Variants in SORL1 observed in about 807,000 individuals in gnomAD.
SORL1 encodes sortilin-related receptor.
A neutral mutation model predicts 273.7 loss-of-function variants in SORL1; 127 were observed. The observed-to-expected ratio is 0.46, with a 90% CI of 0.40 to 0.54. The LOEUF (loss-of-function observed/expected upper bound fraction) is 0.54. SORL1 is among the 20% of genes least tolerant of loss of function. SORL1 has a pLI of 0.00. For missense variants in SORL1, 2,494 were observed against 2,846.1 expected (o/e 0.88, Z 2.81); for synonymous variants, 1,031 against 1,067.4 (o/e 0.97, Z 0.66).
chr11:121,497,415 C>T (rs1375104504), intron 6 of SORL1, among the ~76,000 whole-genome samples: 4 of 152,236 alleles, frequency 2.6e-5, no homozygotes, highest in Admixed American at 2.6e-4. Flanking sequence ...TTTAATCCCA[C>T]TGCCTGATTT....
At chr11:121,612,148 GAA>G (rs1863574041) in intron 39 of SORL1, 1 of 148,718 alleles carries the variant, frequency 6.7e-6, no homozygotes, top group Non-Finnish European at 1.5e-5. Flanking sequence ...TCAAAAAAAA[GAA>G]AAAAAGAAAA....
rs1162991693 is a variant in SORL1 at position 121,468,718 on chromosome 11, A to G, written c.286-1289A>G. ...TTACAGTCGTGGGCCACCGAGCCTG[A>G]CCAGCTCTCAGAATTTTTGTTATTC... On this transcript the variant is annotated intron_variant, in intron 1 of 47. Coordinates refer to ENST00000260197, the MANE Select transcript of SORL1 (RefSeq NM_003105.6). Among the ~76,000 whole-genome samples, 6 of 152,122 alleles carry G rather than the reference A, an allele frequency of 3.9e-5. No homozygotes were observed. The East Asian group carries it at 1.2e-3, about 29-fold the overall frequency.
intron 6 of SORL1, among the ~76,000 whole-genome samples, chr11:121,507,623 A>G (rs553615971): frequency 2.6e-5 from 4 of 152,088 alleles, no homozygotes; most frequent in Admixed American, 6.5e-5. Context: ...TTTAAAAAAT[A>G]TTTCTATTTC....
chr11:121,608,211 A>G (rs1390106056), intron 38 of SORL1, 35 bp downstream of exon 38: 1 of 1,530,148 alleles, frequency 6.5e-7, no homozygotes, highest in Admixed American at 1.7e-5. Flanking sequence ...TTTAGAGAAA[A>G]TATTATACAA....
intron 16 of SORL1, among the ~76,000 whole-genome samples, chr11:121,552,629 G>A (rs1591323719): frequency 3.3e-5 from 5 of 152,338 alleles, no homozygotes; most frequent in African/African-American, 1.2e-4. Flanking sequence ...AGGTTACCAT[G>A]TGATGGTAAC....
intron 32 of SORL1, among the ~76,000 whole-genome samples, chr11:121,599,878 A>G (rs1213996752): frequency 1.3e-5 from 2 of 151,782 alleles, no homozygotes; most frequent in African/African-American, 2.4e-5. Flanking sequence ...GCTTTCCTGC[A>G]TTTTGGCTGT....
At chr11:121,620,349 C>T (rs765746389) in intron 43 of SORL1, among the ~76,000 whole-genome samples, 14 of 152,154 alleles carry the variant, frequency 9.2e-5, no homozygotes, top group Non-Finnish European at 1.6e-4. Context: ...GACTATCTGG[C>T]CCTCAACACC....
rs776669338 is a variant in SORL1 at position 121,557,349 on chromosome 11, C to A, written c.2607C>A (p.Ile869=). The change falls in exon 19 of 48, where the codon ATC becomes ATA. Residue 869 remains isoleucine (I), a synonymous_variant. Coordinates refer to ENST00000260197, the MANE Select transcript of SORL1 (RefSeq NM_003105.6). ...CAGATGGCGACTTCCGACTCACAAT[C>A]GTCAATTCCTCTGTGCTTGATCGTC... ...ANPDGDFRLT[I]VNSSVLDRPR... 2.5e-6 allele frequency: 4 copies of A among 1,614,154 alleles called. No individual in the cohort carries two copies. Among genetic ancestry groups the A allele is most frequent in the Non-Finnish European group, 3.4e-6 (4 of 1,179,984 alleles).
At chr11:121,620,979 A>G in intron 43 of SORL1, 85 bp from the exon 44 acceptor site, 2 of 989,548 alleles carry the variant, frequency 2.0e-6, no homozygotes, top group South Asian at 3.2e-5. Context: ...AGCTATTAAT[A>G]TACTACATTG....
At chr11:121,528,452 G>C (rs540138314) in intron 11 of SORL1, among the ~76,000 whole-genome samples, 1 of 151,908 alleles carries the variant, frequency 6.6e-6, no homozygotes, top group African/African-American at 2.4e-5. Context: ...GAGCAAGACC[G>C]GGTCTCAAAA....
chr11:121,463,172 G>A (rs1240675319), intron 1 of SORL1, among the ~76,000 whole-genome samples: 7 of 152,140 alleles, frequency 4.6e-5, no homozygotes, highest in Non-Finnish European at 1.0e-4. Context: ...TTGCCTTAAA[G>A]TCTGTCTCTG....
chr11:121,585,498 T>TAC (rs761065310), intron 26 of SORL1, among the ~76,000 whole-genome samples: 231 of 106,710 alleles, frequency 2.2e-3, no homozygotes, highest in African/African-American at 3.8e-3. Context: ...AAAAAATGTA[T>TAC]ATACACACAC....
chr11:121,622,180 A>G lies in SORL1; in HGVS notation c.6083A>G (p.Asp2028Gly), dbSNP rs767254998. The G allele has an allele frequency of 6.2e-7, 1 of 1,608,176 alleles. No homozygotes were observed. The highest frequency in any genetic ancestry group is 1.1e-5 in the South Asian group (1 of 90,892). The change falls in exon 45 of 48, where the codon GAT becomes GGT. Residue 2028 changes from aspartate (D) to glycine (G), a missense_variant. By Grantham distance (94) the Asp-to-Gly change is moderately conservative (BLOSUM62 -1). This residue lies in a region of SORL1 where 1,609 missense variants were observed against 1,816.4 expected (regional missense o/e 0.89). Coordinates refer to ENST00000260197, the MANE Select transcript of SORL1 (RefSeq NM_003105.6). Reference protein sequence around the residue: ...KITTVSLSAPDALKIITENDH... With the variant: ...KITTVSLSAPGALKIITENDH... ...TTTTCAGTTTCATTATCAGCACCTG[A>G]TGCCTTAAAAATCATAACAGAAAAT...
At chr11:121,574,565 C>T (rs17092943) in intron 24 of SORL1, among the ~76,000 whole-genome samples, 34,106 of 152,018 alleles carry the variant, frequency 0.22, 4,893 homozygotes, top group East Asian at 0.55. Context: ...CTGCTTTTCA[C>T]GAGGATTCAG....
chr11:121,455,613 A>G (rs1166473153), intron 1 of SORL1, among the ~76,000 whole-genome samples: 1 of 152,206 alleles, frequency 6.6e-6, no homozygotes, highest in Non-Finnish European at 1.5e-5. Context: ...TAAGGTGGGG[A>G]GACCGGCTTC....
At chr11:121,564,039 A>C (rs981703414) in intron 21 of SORL1, among the ~76,000 whole-genome samples, 3 of 152,248 alleles carry the variant, frequency 2.0e-5, no homozygotes, top group Admixed American at 6.5e-5. Context: ...GAACATGCCC[A>C]GTGAAGACAT....
intron 13 of SORL1, 45 bp downstream of exon 13, chr11:121,543,771 A>G (rs1363869923): frequency 6.5e-7 from 1 of 1,550,218 alleles, no homozygotes; most frequent in African/African-American, 1.4e-5. Context: ...ATATGCGTGG[A>G]CTTCCTGTTA....
intron 8 of SORL1, among the ~76,000 whole-genome samples, chr11:121,518,467 C>T (rs188840864): frequency 3.9e-4 from 59 of 152,180 alleles, no homozygotes; most frequent in Middle Eastern, 3.4e-3. Flanking sequence ...TCCAGGAATC[C>T]GACTCGGGAA....
Position 121,452,519 on chromosome 11 carries a change from G to T in SORL1, c.188G>T (p.Arg63Leu). ...GDPRELRLWA[R>L]GDARGASRAD... is the part of the protein sequence containing the mutation. ...CCGCGCGAGCTGCGGCTGTGGGCGCGCGGGGATGCCAGGGGGGCGAGCCGC... is the reference window on the plus strand; with the variant it reads ...CCGCGCGAGCTGCGGCTGTGGGCGCTCGGGGATGCCAGGGGGGCGAGCCGC... The change falls in exon 1 of 48, where the codon CGC (arginine) becomes CTC (leucine). Residue 63 changes from arginine to leucine, a missense_variant. Transcript: ENST00000260197. This position sits in a 1 kb window ranked among gnomAD's most constrained non-coding sequence, Gnocchi z 5.3. 6.8e-7 allele frequency: 1 copy of T among 1,480,046 alleles called. No homozygotes were observed. The highest frequency in any genetic ancestry group is 8.9e-7 in the Non-Finnish European group (1 of 1,120,268). 91.7% of individuals were successfully genotyped at this position (1,480,046 alleles called of 1,614,324 possible).
Sources: allele counts gnomAD v4.1 joint callset (sites outside exome capture counted in the v4.1 genomes callset), GRCh38; gene constraint gnomAD v4.1.1; regional missense constraint gnomAD v4.1.1; non-coding constraint Gnocchi (gnomAD v3.1); transcripts MANE v1.5; gene names NCBI Gene and HGNC (gene_info 2026-07-23, HGNC 2026-07-21).